RNF149: variants seen among roughly 807,000 people sequenced by gnomAD.
The protein encoded by RNF149 is ring finger protein 149, also known as E3 ubiquitin-protein ligase RNF149.
In RNF149, 21 loss-of-function variants were observed where a neutral mutation model predicts 39.0. The observed-to-expected ratio is 0.54, with a 90% CI of 0.38 to 0.77. The LOEUF is 0.77. Among genes scored for constraint, RNF149 ranks in the 30% least tolerant of loss-of-function variants. The pLI, the probability that RNF149 is intolerant of heterozygous loss-of-function variation, is 0.00. For missense variants in RNF149, 493 were observed against 534.9 expected, an observed-to-expected ratio of 0.92 and a Z score of 0.77; for synonymous variants, 209 against 213.6, an observed-to-expected ratio of 0.98 and a Z score of 0.19.
At chr2:101,292,064 C>T (rs1278852594) in intron 3 of RNF149, among the ~76,000 whole-genome samples, 2 of 152,214 alleles carry the variant, frequency 1.3e-5, no homozygotes, top group Non-Finnish European at 2.9e-5. Flanking sequence ...AATCATCTAA[C>T]ACGAAGCCTA....
At chr2:101,285,031 A>G (rs1682741309) in intron 5 of RNF149, among the ~76,000 whole-genome samples, 2 of 152,020 alleles carry the variant, frequency 1.3e-5, no homozygotes, top group Non-Finnish European at 2.9e-5. Flanking sequence ...AGTAAATGGG[A>G]CTACAGGAGC....
chr2:101,279,135 G>A (rs1224544549), intron 6 of RNF149, among the ~76,000 whole-genome samples: 2 of 152,322 alleles, frequency 1.3e-5, no homozygotes, highest in Non-Finnish European at 2.9e-5. Flanking sequence ...CACAATACTT[G>A]AGAATTTAAA....
At chr2:101,277,871 T>G (rs1462017957) in intron 6 of RNF149, among the ~76,000 whole-genome samples, 1 of 152,106 alleles carries the variant, frequency 6.6e-6, no homozygotes, top group Admixed American at 6.6e-5. Context: ...CCAGAAGATG[T>G]TCCCAAAAGT....
chr2:101,297,809 T>C (rs1683294181), intron 1 of RNF149, among the ~76,000 whole-genome samples: 1 of 152,210 alleles, frequency 6.6e-6, no homozygotes, highest in South Asian at 2.1e-4. Context: ...AATGTTTTCA[T>C]TACCCTAGAA....
chr2:101,294,167 T>C (rs1420614609), intron 2 of RNF149, 85 bp from the exon 3 acceptor site: 25 of 744,892 alleles, frequency 3.4e-5, no homozygotes, highest in Non-Finnish European at 5.8e-5. Flanking sequence ...ATAATACACA[T>C]AAGCATACAG....
intron 1 of RNF149, among the ~76,000 whole-genome samples, chr2:101,297,460 G>C (rs1176857851): frequency 6.6e-6 from 1 of 152,102 alleles, no homozygotes; most frequent in Non-Finnish European, 1.5e-5. Flanking sequence ...GGGCTCAAGT[G>C]ATCCTCCTGC....
rs1239312549 is a variant in RNF149, at chr2:101,275,687, C to G, written c.*1551G>C. 3 of 291,336 alleles carry G rather than the reference C, an allele frequency of 1.0e-5. No homozygotes were observed. In the South Asian group the frequency reaches 4.2e-4, roughly 40 times the overall value. 18.0% of individuals were successfully genotyped at this position (291,336 alleles called of 1,614,324 possible). ...CGATCTCCTGACCTCGTGATCCGCC[C>G]GCCTCGGCCTCCCAAAGTGCTGGGA... On this transcript the variant is annotated 3_prime_UTR_variant, in exon 7 of 7. Transcript: ENST00000295317.
At chr2:101,290,608 T>C (rs1682969315) in intron 3 of RNF149, among the ~76,000 whole-genome samples, 1 of 152,226 alleles carries the variant, frequency 6.6e-6, no homozygotes, top group South Asian at 2.1e-4. Flanking sequence ...GTAACGTATT[T>C]ACATTTGCTA....
chr2:101,284,038 T>C (rs1192795), intron 5 of RNF149, among the ~76,000 whole-genome samples: 136,938 of 152,254 alleles, frequency 0.9, 61,732 homozygotes, highest in East Asian at 1. Flanking sequence ...AAAGGCTCAT[T>C]CTCTCATCTA....
chr2:101,285,954 T>A, intron 5 of RNF149, 127 bp downstream of exon 5: 1 of 562,816 alleles, frequency 1.8e-6, no homozygotes. Context: ...TGAGGAAAAT[T>A]TCTTCAGAGA....
intron 6 of RNF149, among the ~76,000 whole-genome samples, chr2:101,279,879 C>T (rs879723937): frequency 6.6e-6 from 1 of 152,170 alleles, no homozygotes; most frequent in Non-Finnish European, 1.5e-5. Context: ...TGACAAAATT[C>T]AAAACCTGAA....
chr2:101,276,570 A>C lies in RNF149; in HGVS notation c.*668T>G, dbSNP rs879288363. On this transcript the variant is annotated 3_prime_UTR_variant, in exon 7 of 7. Transcript: ENST00000295317. ...AGAATCTTAGCTTTTTATTTGTAGG[A>C]AAAAATAAACAGATTTCCCTCCCCA... 1.7e-5 allele frequency: 17 copies of C among 985,598 alleles called. No homozygotes were observed. The African/African-American group carries it at 3.0e-4, about 17-fold the overall frequency. The allele number at this position is 985,598 out of a possible 1,614,324, so 61.1% of individuals were successfully genotyped here.
chr2:101,308,239 C>T lies in RNF149; in HGVS notation c.350G>A (p.Gly117Asp), dbSNP rs1683757982. The T allele has an allele frequency of 1.9e-6, 3 of 1,598,412 alleles. No homozygotes were observed. Among genetic ancestry groups the T allele is most frequent in the Non-Finnish European group, 1.7e-6 (2 of 1,174,196 alleles). ...CAGCACCTTGTCCTTGAAGGTGCAG[C>T]CCCCACGAGCCACCAGGGCGACCCA... ...APWVALVARG[G>D]CTFKDKVLVA... is the part of the protein sequence containing the mutation. The change falls in exon 1 of 7, where the codon GGC becomes GAC. Residue 117 changes from glycine to aspartate, a missense_variant. Physicochemically the swap from Gly to Asp is moderately conservative, Grantham distance 94. Transcript: ENST00000295317.
intron 1 of RNF149, among the ~76,000 whole-genome samples, chr2:101,295,592 C>T (rs1202611170): frequency 6.7e-6 from 1 of 149,154 alleles, no homozygotes; most frequent in Non-Finnish European, 1.5e-5. Context: ...ACCTGGGAAG[C>T]GGAGGTTGCA....
intron 1 of RNF149, among the ~76,000 whole-genome samples, chr2:101,299,536 A>C (rs574247916): frequency 6.6e-6 from 1 of 152,372 alleles, no homozygotes; most frequent in Non-Finnish European, 1.5e-5. Context: ...TATCTGATAT[A>C]ACTATATGGC....
intron 1 of RNF149, among the ~76,000 whole-genome samples, chr2:101,303,422 C>A (rs973704092): frequency 6.6e-6 from 1 of 151,958 alleles, no homozygotes. Context: ...CTACTGCGCC[C>A]GACCCCAAAA....
chr2:101,273,305 T>G (rs1162952468), downstream of RNF149: 1 of 473,632 alleles, frequency 2.1e-6, no homozygotes, highest in Non-Finnish European at 4.3e-6. Context: ...TTTCCACAGT[T>G]AAATACTGGT....
chr2:101,289,234 G>A (rs781679262), intron 3 of RNF149, among the ~76,000 whole-genome samples, 179 bp from the exon 4 acceptor site: 8 of 151,804 alleles, frequency 5.3e-5, no homozygotes, highest in Non-Finnish European at 1.2e-4. Context: ...ATCTAAATAC[G>A]GTTGAAAAGG....
At chr2:101,275,431 CTTTTTTTTTT>C (rs59154104), downstream of RNF149, among the ~76,000 whole-genome samples, 15 of 26,602 alleles carry the variant, frequency 5.6e-4, no homozygotes, top group South Asian at 2.6e-3. Flanking sequence ...CCTAGTATTT[CTTTTTTTTTT>C]TTTTTTTTTT....
Sources: gnomAD v4.1 joint callset for allele counts (sites outside exome capture counted in the v4.1 genomes callset) on GRCh38, gnomAD v4.1.1 for gene constraint, MANE v1.5 for transcripts, NCBI Gene and HGNC (gene_info 2026-07-23, HGNC 2026-07-21) for gene names.